DLGAP2: variants seen among roughly 807,000 people sequenced by gnomAD.
DLGAP2 encodes DLG associated protein 2.
A neutral mutation model predicts 100.3 loss-of-function variants in DLGAP2; 26 were observed. The observed-to-expected ratio is 0.26, with a 90% CI of 0.19 to 0.36. The LOEUF (loss-of-function observed/expected upper bound fraction) is 0.36, where lower values mean the gene tolerates loss of function less well. DLGAP2 is among the 10% of genes least tolerant of loss of function. DLGAP2 has a pLI of 1.00. For synonymous variants in DLGAP2, 886 were observed against 630.1 expected (o/e 1.41, Z -6.08); for missense variants, 1,858 against 1,453.2 (o/e 1.28, Z -4.53).
chr8:834,685 G>C (rs1360244389), intron 1 of DLGAP2, among the ~76,000 whole-genome samples: 1 of 152,054 alleles, frequency 6.6e-6, no homozygotes, highest in East Asian at 1.9e-4. Flanking sequence ...TAGGGAGGAG[G>C]GGGTCAAGTG....
In DLGAP2 at chr8:1,417,711, C is replaced by G. The variant is rs1300099974; in HGVS notation, c.107-83655C>G. Among the ~76,000 whole-genome samples the G allele has an allele frequency of 2.7e-5, 4 of 146,998 alleles. 1 individual carries two copies. The highest frequency in any genetic ancestry group is 5.3e-5 in the African/African-American group (2 of 37,912). On this transcript the variant is annotated intron_variant, in intron 3 of 14. Transcript: ENST00000637795. ...CACAGGGGGCCCCACTCCTGCCTCA[C>G]TCGGCGAGGCTCCAGACACAGAAGC...
intron 2 of DLGAP2, among the ~76,000 whole-genome samples, chr8:964,994 C>T (rs910381043): frequency 2.0e-5 from 3 of 151,710 alleles, no homozygotes; most frequent in Non-Finnish European, 4.4e-5. Context: ...GCACTGTTCA[C>T]CTCACATGGC....
chr8:785,430 T>C (rs1054316930), intron 1 of DLGAP2, among the ~76,000 whole-genome samples: 1 of 150,178 alleles, frequency 6.7e-6, no homozygotes, highest in Non-Finnish European at 1.5e-5. Flanking sequence ...GAGACCGGCT[T>C]CTCTCCTCCC....
intron 6 of DLGAP2, among the ~76,000 whole-genome samples, chr8:1,575,237 G>T (rs921255518): frequency 2.0e-5 from 3 of 152,098 alleles, no homozygotes; most frequent in Admixed American, 2.0e-4. Context: ...TGGCAAACGT[G>T]GGAAGGCAGA....
At chr8:1,173,809 G>T (rs544495206) in intron 2 of DLGAP2, among the ~76,000 whole-genome samples, 9 of 152,196 alleles carry the variant, frequency 5.9e-5, no homozygotes, top group African/African-American at 1.2e-4. Flanking sequence ...CTAGGAAAGG[G>T]AACTCTCTGA....
At chr8:1,360,164 G>C (rs887005783) in intron 3 of DLGAP2, among the ~76,000 whole-genome samples, 1 of 151,484 alleles carries the variant, frequency 6.6e-6, no homozygotes, top group African/African-American at 2.4e-5. Context: ...AGGTGCATAA[G>C]GGTTAGCGAC....
chr8:808,963 G>A (rs188037028), intron 1 of DLGAP2, among the ~76,000 whole-genome samples: 105 of 147,038 alleles, frequency 7.1e-4, no homozygotes, highest in African/African-American at 2.6e-3. Context: ...CTGAAGTGCA[G>A]TAGTATGATC....
At chr8:1,097,013 T>C (rs1243637474) in intron 2 of DLGAP2, among the ~76,000 whole-genome samples, 1 of 135,572 alleles carries the variant, frequency 7.4e-6, no homozygotes, top group Non-Finnish European at 1.6e-5. Flanking sequence ...CTCAGGAGAG[T>C]CAAGCTGGGA....
intron 3 of DLGAP2, among the ~76,000 whole-genome samples, chr8:1,329,881 G>T (rs1801109071): frequency 6.6e-6 from 1 of 152,194 alleles, no homozygotes; most frequent in South Asian, 2.1e-4. Context: ...TTCTAGCTCT[G>T]CTGAAGTGCA....
chr8:1,480,685 A>T (rs1474047927), intron 3 of DLGAP2, among the ~76,000 whole-genome samples: 3 of 149,244 alleles, frequency 2.0e-5, no homozygotes, highest in Non-Finnish European at 4.4e-5. Flanking sequence ...CCCCATCTCT[A>T]CTAATAATAA....
At chr8:1,281,497 G>T (rs1799812791) in intron 3 of DLGAP2, among the ~76,000 whole-genome samples, 3 of 152,208 alleles carry the variant, frequency 2.0e-5, no homozygotes, top group African/African-American at 7.2e-5. Context: ...ACACACATCA[G>T]CCCCGGCGGA....
chr8:1,690,213 A>G (rs1412050971), intron 12 of DLGAP2, among the ~76,000 whole-genome samples: 2 of 151,868 alleles, frequency 1.3e-5, no homozygotes, highest in African/African-American at 2.4e-5. Flanking sequence ...AAAATTAGCC[A>G]GGCATGGTGG....
chr8:1,019,079 C>T (rs991049387), intron 2 of DLGAP2: 4 of 152,174 alleles, frequency 2.6e-5, no homozygotes, highest in African/African-American at 4.8e-5. Flanking sequence ...CATCTGGAAG[C>T]TGTATCTCTG....
intron 2 of DLGAP2, among the ~76,000 whole-genome samples, chr8:958,884 A>G (rs1000511404): frequency 6.6e-6 from 1 of 152,198 alleles, no homozygotes; most frequent in African/African-American, 2.4e-5. Context: ...TATACATACA[A>G]ACTATGCAAT....
At chr8:1,141,788 A>T (rs1006626825) in intron 2 of DLGAP2, among the ~76,000 whole-genome samples, 3 of 152,228 alleles carry the variant, frequency 2.0e-5, no homozygotes, top group Admixed American at 6.5e-5. Flanking sequence ...ATGACTGAAA[A>T]AAATGACTCA....
intron 3 of DLGAP2, among the ~76,000 whole-genome samples, chr8:1,389,165 G>C (rs1407489636): frequency 1.3e-5 from 2 of 152,172 alleles, no homozygotes; most frequent in Non-Finnish European, 2.9e-5. Flanking sequence ...TGGAAGTGCA[G>C]GGCCTCTTCA....
At chr8:796,414 C>A (rs1487240302) in intron 1 of DLGAP2, among the ~76,000 whole-genome samples, 1 of 152,060 alleles carries the variant, frequency 6.6e-6, no homozygotes, top group African/African-American at 2.4e-5. Context: ...TTCCCTGCGA[C>A]TGCCTGGATG....
At chr8:1,699,035 G>A (rs879336776) in intron 14 of DLGAP2, among the ~76,000 whole-genome samples, 3 of 152,392 alleles carry the variant, frequency 2.0e-5, no homozygotes, top group Middle Eastern at 3.4e-3. Flanking sequence ...TGTAAGCCAC[G>A]GTTTGGATCT....
At chr8:1,541,053 C>G (rs1801346378) in intron 4 of DLGAP2, among the ~76,000 whole-genome samples, 1 of 152,202 alleles carries the variant, frequency 6.6e-6, no homozygotes, top group Non-Finnish European at 1.5e-5. Context: ...CCCTTCCTCT[C>G]AAGAGCATCA....
Sources: gnomAD v4.1 joint callset for allele counts (sites outside exome capture counted in the v4.1 genomes callset) on GRCh38, gnomAD v4.1.1 for gene constraint, MANE v1.5 for transcripts, NCBI Gene and HGNC (gene_info 2026-07-23, HGNC 2026-07-21) for gene names.